SRGAP2B: variants seen among roughly 807,000 people sequenced by gnomAD.
SRGAP2B encodes SLIT-ROBO Rho GTPase-activating protein 2B.
Under a neutral mutation model 22.2 loss-of-function variants are expected in SRGAP2B, and 9 were observed. That is an observed-to-expected ratio of 0.41 (90% CI 0.24 to 0.71). SRGAP2B has a LOEUF of 0.71. Ranked by LOEUF, SRGAP2B falls within the 30% of genes least tolerant of loss-of-function variation. The pLI, the probability that SRGAP2B is intolerant of heterozygous loss-of-function variation, is 0.35. For synonymous variants in SRGAP2B, 36 were observed against 87.4 expected, an observed-to-expected ratio of 0.41 and a Z score of 3.28; for missense variants, 114 against 235.8, an observed-to-expected ratio of 0.48 and a Z score of 3.38.
chr1:144,995,871 T>A (rs1483685066), intron 2 of SRGAP2B, among the ~76,000 whole-genome samples: 1 of 151,074 alleles, frequency 6.6e-6, no homozygotes, highest in African/African-American at 2.5e-5. Flanking sequence ...TCAATCAGAT[T>A]TCACAGTTTC....
intron 4 of SRGAP2B, among the ~76,000 whole-genome samples, chr1:144,939,204 TG>T (rs1267179034): frequency 1.6e-5 from 2 of 121,852 alleles, no homozygotes; most frequent in African/African-American, 3.5e-5. Context: ...AAGTCTCTGC[TG>T]TCAGACTGTC....
chr1:144,959,585 AC>A (rs1423119618), intron 3 of SRGAP2B, among the ~76,000 whole-genome samples: 2 of 76,670 alleles, frequency 2.6e-5, no homozygotes, highest in Non-Finnish European at 5.0e-5. Flanking sequence ...GCAGATTTAT[AC>A]CAATAAAAAT....
intron 2 of SRGAP2B, among the ~76,000 whole-genome samples, chr1:145,047,141 A>G (rs1649875664): frequency 7.5e-6 from 1 of 133,244 alleles, no homozygotes; most frequent in Non-Finnish European, 1.6e-5. Context: ...GCACCACTGC[A>G]CCCCAGACTG....
intron 2 of SRGAP2B, among the ~76,000 whole-genome samples, chr1:145,009,474 GCTACT>G: frequency 6.8e-6 from 1 of 146,622 alleles, no homozygotes; most frequent in South Asian, 2.1e-4. Flanking sequence ...TGTAGTCCCA[GCTACT>G]TGGGAGGCTG....
intron 3 of SRGAP2B, among the ~76,000 whole-genome samples, chr1:144,993,785 C>A (rs2102147543): frequency 7.0e-6 from 1 of 142,958 alleles, no homozygotes. Context: ...GAAAGAAATT[C>A]TCTGATCGCC....
At chr1:145,023,062 G>A (rs1450418469) in intron 2 of SRGAP2B, among the ~76,000 whole-genome samples, 1 of 149,672 alleles carries the variant, frequency 6.7e-6, no homozygotes, top group Non-Finnish European at 1.5e-5. Flanking sequence ...CTACTTGGGA[G>A]GCTGAGGCAG....
rs1277113741 is a variant in SRGAP2B at position 144,912,154 on chromosome 1, G to A, written c.486+2538C>T. Among the ~76,000 whole-genome samples, 35 of 146,666 alleles carry A rather than the reference G, an allele frequency of 2.4e-4. 1 individual carries two copies. Among genetic ancestry groups the A allele is most frequent in the Admixed American group, 7.4e-4 (11 of 14,818 alleles). On this transcript the variant is annotated intron_variant, in intron 5 of 9. Coordinates refer to ENST00000612199, the Ensembl canonical transcript of SRGAP2B. ...TTTTTAGTAGAGACAGGGTTTCACCGTGTTAGCCAGGATGGTCTCGATCTC... is the reference window on the plus strand; with the variant it reads ...TTTTTAGTAGAGACAGGGTTTCACCATGTTAGCCAGGATGGTCTCGATCTC...
chr1:144,957,123 A>G (rs1285151143), intron 3 of SRGAP2B, among the ~76,000 whole-genome samples: 4 of 150,530 alleles, frequency 2.7e-5, no homozygotes, highest in African/African-American at 1.0e-4. Context: ...TTCACTGCAA[A>G]TAATAACTAT....
chr1:144,899,538 TG>T (rs1168547700), intron 7 of SRGAP2B, among the ~76,000 whole-genome samples: 1 of 127,698 alleles, frequency 7.8e-6, no homozygotes, highest in African/African-American at 3.1e-5. Context: ...AACTGTAATC[TG>T]TCTTCAATCT....
Position 145,012,785 on chromosome 1 carries a change from A to G in SRGAP2B, c.68-17585T>C, listed in dbSNP as rs587746064. On this transcript the variant is annotated intron_variant, in intron 2 of 9. Coordinates refer to ENST00000612199, the Ensembl canonical transcript of SRGAP2B. ...AATCCAGGATCTGTTGGCATCCTGA[A>G]ACCCAAAAAGTGTGATGGGCCAGGT... Among the ~76,000 whole-genome samples, 23 of 140,022 alleles carry G rather than the reference A, an allele frequency of 1.6e-4. 2 individuals are homozygous for G. In the East Asian group the frequency reaches 4.7e-3, roughly 29 times the overall value. 91.9% of individuals were successfully genotyped at this position (140,022 alleles called of 152,430 possible).
intron 2 of SRGAP2B, among the ~76,000 whole-genome samples, chr1:145,005,913 C>T (rs1671556908): frequency 1.3e-5 from 2 of 149,870 alleles, no homozygotes; most frequent in Non-Finnish European, 2.9e-5. Flanking sequence ...TTAACCTTGG[C>T]AATGAGAAGT....
In SRGAP2B at chr1:144,992,207, G is replaced by A. The variant is rs6600692; in HGVS notation, c.260+2801C>T. 2.5e-3 allele frequency among the ~76,000 whole-genome samples: 382 copies of A among 150,474 alleles called. 6 individuals carry two copies. The highest frequency in any genetic ancestry group is 4.0e-3 in the Non-Finnish European group (273 of 67,922). ...GAACCCACCAGAAGGAAGAAACTCC[G>A]AACACATCTGAACATCAGAAGGGAC... is the stretch of plus-strand genomic sequence containing the variant. On this transcript the variant is annotated intron_variant, in intron 3 of 9. Coordinates refer to ENST00000612199, the Ensembl canonical transcript of SRGAP2B.
At chr1:144,983,866 C>T (rs1202178954) in intron 3 of SRGAP2B, among the ~76,000 whole-genome samples, 2 of 150,380 alleles carry the variant, frequency 1.3e-5, no homozygotes, top group Non-Finnish European at 2.9e-5. Context: ...CTACCAACAG[C>T]CAAAAAATCT....
rs1231608750 is a variant in SRGAP2B at position 144,924,572 on chromosome 1, C to CA, written c.424-9819dup. Among the ~76,000 whole-genome samples the CA allele has an allele frequency of 2.7e-5, 4 of 150,128 alleles. No individual in the cohort carries two copies. In the East Asian group the frequency reaches 5.8e-4, roughly 22 times the overall value. On this transcript the variant is annotated intron_variant, in intron 4 of 9. Transcript: ENST00000612199. ...TGAAACCCCGTCTCTACTAAAAATA[C>CA]AAAAAAAAAGTTAGCCGGGCGTAGT... is the stretch of plus-strand genomic sequence containing the variant.
intron 4 of SRGAP2B, among the ~76,000 whole-genome samples, chr1:144,951,257 C>T (rs1396040778): frequency 1.4e-5 from 2 of 145,780 alleles, no homozygotes; most frequent in African/African-American, 5.3e-5. Context: ...ATCACTGCAG[C>T]CTCAAATTTC....
chr1:144,930,837 C>T (rs1665117043), intron 4 of SRGAP2B, among the ~76,000 whole-genome samples: 1 of 149,310 alleles, frequency 6.7e-6, no homozygotes, highest in South Asian at 2.1e-4. Context: ...CTCTTATTAC[C>T]CTGTCCTGGA....
chr1:145,021,525 T>C (rs1672796190), intron 2 of SRGAP2B, among the ~76,000 whole-genome samples: 1 of 106,526 alleles, frequency 9.4e-6, no homozygotes, highest in Non-Finnish European at 1.8e-5. Flanking sequence ...TTGCCTCATT[T>C]TGGCAAGATC....
At chr1:145,002,964 C>T in intron 2 of SRGAP2B, among the ~76,000 whole-genome samples, 1 of 151,382 alleles carries the variant, frequency 6.6e-6, no homozygotes, top group African/African-American at 2.4e-5. Flanking sequence ...CACAGTGGCT[C>T]ACACCTGTAA....
chr1:144,972,763 C>T (rs1668619420), intron 3 of SRGAP2B, among the ~76,000 whole-genome samples: 1 of 149,522 alleles, frequency 6.7e-6, no homozygotes, highest in Non-Finnish European at 1.5e-5. Context: ...GTATAGGTCA[C>T]CAACTAGCAT....
Sources: allele counts gnomAD v4.1 joint callset (sites outside exome capture counted in the v4.1 genomes callset), GRCh38; gene constraint gnomAD v4.1.1; transcripts MANE v1.5; gene names NCBI Gene and HGNC (gene_info 2026-07-23, HGNC 2026-07-21).